Variants in USP47 observed in about 807,000 individuals in gnomAD.
USP47 encodes the protein ubiquitin carboxyl-terminal hydrolase 47.
Under a neutral mutation model 165.1 loss-of-function variants are expected in USP47, and 35 were observed. The observed-to-expected ratio is 0.21, with a 90% CI of 0.16 to 0.28. The LOEUF is 0.28. USP47 is among the 10% of genes least tolerant of loss of function. The pLI is 1.00. For missense variants in USP47, 1,277 were observed against 1,607.4 expected (o/e 0.79, Z 3.52); for synonymous variants, 531 against 544.5 (o/e 0.98, Z 0.35).
chr11:11,903,175 A>G (rs1852337269), intron 6 of USP47, 88 bp from the exon 7 acceptor site: 3 of 1,311,060 alleles, frequency 2.3e-6, no homozygotes, highest in South Asian at 1.5e-5. Context: ...GTAGACTTCA[A>G]TATTTCTGTC....
chr11:11,878,782 C>G (rs966423446), intron 1 of USP47: 1 of 152,062 alleles, frequency 6.6e-6, no homozygotes, highest in Non-Finnish European at 1.5e-5. Flanking sequence ...TAAATGATCT[C>G]TTGCAAACCC....
rs779191640 is a variant in USP47, at chr11:11,956,049, A to C, written c.3942A>C (p.Glu1314Asp). The C allele has an allele frequency of 6.2e-7, 1 of 1,601,002 alleles. No homozygotes were observed. The highest frequency in any genetic ancestry group is 8.5e-7 in the Non-Finnish European group (1 of 1,176,140). Residue 1314 changes from glutamate (E) to aspartate (D), a missense_variant, in exon 28 of 28, where the codon GAA becomes GAC. Physicochemically the swap from Glu to Asp is conservative, Grantham distance 45. Transcript: ENST00000527733. ...AATTGACAGATGAGCAAAGAAATGA[A>C]CTGATGAAAAAAGAAAGCAGTCGAC... ...LMELTDEQRN[E>D]LMKKESSRLQ... is the part of the protein sequence containing the mutation.
Position 11,938,524 on chromosome 11 carries a change from T to C in USP47, c.2193+152T>C, listed in dbSNP as rs900717128. 5.3e-5 allele frequency: 33 copies of C among 623,956 alleles called. 1 individual carries two copies. The South Asian group carries it at 6.7e-4, about 13-fold the overall frequency. 38.7% of individuals were successfully genotyped at this position (623,956 alleles called of 1,614,324 possible). A position where few individuals can be genotyped will look rare whatever the true frequency, so the allele number is the denominator to read the frequency against. ...GACAACTGTAGTTAAAAGAAACAGATTGAGTAAAGTGTGGAGGTAAGAAAG... is the reference window on the plus strand; with the variant it reads ...GACAACTGTAGTTAAAAGAAACAGACTGAGTAAAGTGTGGAGGTAAGAAAG... On this transcript the variant is annotated intron_variant, in intron 18 of 27. Coordinates refer to ENST00000527733, the MANE Select transcript of USP47 (RefSeq NM_001282659.2).
In USP47 at chr11:11,897,592, TA is replaced by T; in HGVS notation, c.497-2del. The T allele has an allele frequency of 6.3e-7, 1 of 1,590,058 alleles. No individual in the cohort carries two copies. The highest frequency in any genetic ancestry group is 1.2e-5 in the South Asian group (1 of 86,884). ...TTAATGTACATTTGTATTTTCTCTT[TA>T]AAGGATATGTGGGACTAGTAAACCA... is the stretch of plus-strand genomic sequence containing the variant. On this transcript the variant is annotated splice_polypyrimidine_tract_variant and splice_region_variant and intron_variant, in intron 4 of 27. Transcript: ENST00000527733.
intron 16 of USP47, among the ~76,000 whole-genome samples, chr11:11,935,613 A>G (rs1361540428): frequency 6.6e-6 from 1 of 151,978 alleles, no homozygotes; most frequent in Admixed American, 6.6e-5. Flanking sequence ...GAAACTCATA[A>G]TCACAACCTT....
At chr11:11,892,837 A>G (rs1192821883) in intron 4 of USP47, among the ~76,000 whole-genome samples, 3 of 150,582 alleles carry the variant, frequency 2.0e-5, no homozygotes, top group Non-Finnish European at 4.4e-5. Flanking sequence ...AAAAAAAAGA[A>G]AAAGAAAAAA....
At position 11,960,586 on chromosome 11, in the gene USP47, C is replaced by G. The variant is rs1447613926; in HGVS notation, c.*4411C>G. On this transcript the variant is annotated 3_prime_UTR_variant, in exon 28 of 28. Transcript: ENST00000527733. ...TTCAGCCAAGGGAATAAAATCTAAC[C>G]TCTCCTCCCTCAACGGAGTGTCAGG... Among the ~76,000 whole-genome samples, 1 of 152,180 alleles carries G rather than the reference C, an allele frequency of 6.6e-6. No homozygotes were observed. Among genetic ancestry groups the G allele is most frequent in the Non-Finnish European group, 1.5e-5 (1 of 68,036 alleles).
chr11:11,941,191 A>G (rs990622232), intron 19 of USP47, among the ~76,000 whole-genome samples: 2 of 151,806 alleles, frequency 1.3e-5, no homozygotes, highest in African/African-American at 4.8e-5. Flanking sequence ...GTATTTTATT[A>G]CTAATATGTA....
chr11:11,955,932 A>G, intron 27 of USP47, 69 bp from the exon 28 acceptor site: 1 of 1,235,160 alleles, frequency 8.1e-7, no homozygotes, highest in Non-Finnish European at 1.1e-6. Context: ...GCATCATAGC[A>G]TTCAAGCATA....
intron 1 of USP47, among the ~76,000 whole-genome samples, chr11:11,859,980 T>C (rs1036548954): frequency 6.6e-6 from 1 of 151,550 alleles, no homozygotes; most frequent in Non-Finnish European, 1.5e-5. Context: ...AGCACACGCC[T>C]GTAGTTCCAG....
chr11:11,870,048 A>G (rs1849935205), intron 1 of USP47, among the ~76,000 whole-genome samples: 1 of 148,680 alleles, frequency 6.7e-6, no homozygotes, highest in South Asian at 2.1e-4. Context: ...TAAGTGTGAC[A>G]TTTTGTTTTT....
intron 20 of USP47, among the ~76,000 whole-genome samples, chr11:11,945,444 A>G (rs7932865): frequency 0.019 from 2,861 of 152,288 alleles, 67 homozygotes; most frequent in African/African-American, 0.055. Context: ...ACTTAAAATG[A>G]TGGTCCTTAA....
intron 1 of USP47, among the ~76,000 whole-genome samples, chr11:11,859,708 T>C (rs1849263490): frequency 6.6e-6 from 1 of 152,190 alleles, no homozygotes; most frequent in Non-Finnish European, 1.5e-5. Context: ...TTAAATGTAT[T>C]TTAAGGGTAG....
intron 15 of USP47, among the ~76,000 whole-genome samples, chr11:11,933,336 A>G (rs1406143810): frequency 1.3e-5 from 2 of 152,148 alleles, no homozygotes; most frequent in Non-Finnish European, 2.9e-5. Flanking sequence ...GTGAAGCCAC[A>G]GTTGAGGTAG....
At chr11:11,865,577 C>G (rs1390969499) in intron 1 of USP47, among the ~76,000 whole-genome samples, 2 of 152,124 alleles carry the variant, frequency 1.3e-5, no homozygotes, top group African/African-American at 4.8e-5. Context: ...TGTGAGTAAC[C>G]ACCAGACTGT....
chr11:11,930,712 A>C lies in USP47; in HGVS notation c.1612A>C (p.Met538Leu). 6.2e-7 allele frequency: 1 copy of C among 1,606,108 alleles called. No individual in the cohort carries two copies. The highest frequency in any genetic ancestry group is 8.5e-7 in the Non-Finnish European group (1 of 1,177,448). Residue 538 changes from methionine to leucine, a missense_variant, in exon 14 of 28, where the codon ATG becomes CTG. Transcript: ENST00000527733. ...TTCTACTAGTTCCACAAATGCATAT[A>C]TGCTGATCTATAGACTGAAGGATCC... Reference protein sequence around the residue: ...SAFASSTNAYMLIYRLKDPAR... With the variant: ...SAFASSTNAYLLIYRLKDPAR...
At chr11:11,912,702 TA>T (rs2134527009) in intron 8 of USP47, among the ~76,000 whole-genome samples, 1 of 152,164 alleles carries the variant, frequency 6.6e-6, no homozygotes, top group Admixed American at 6.5e-5. Flanking sequence ...TACCTGATAT[TA>T]AACCAAGACA....
chr11:11,867,464 C>A (rs958984073), intron 1 of USP47, among the ~76,000 whole-genome samples: 6 of 152,028 alleles, frequency 3.9e-5, no homozygotes, highest in Non-Finnish European at 4.4e-5. Flanking sequence ...ATATAGAGTT[C>A]ATTAATTCTT....
Position 11,932,950 on chromosome 11 carries a change from TA to T in USP47, c.1652-51del, listed in dbSNP as rs1030086273. On this transcript the variant is annotated intron_variant, in intron 14 of 27. Coordinates refer to ENST00000527733, the MANE Select transcript of USP47 (RefSeq NM_001282659.2). ...TGAGAGCATAGTGAAGCAGGATGAA[TA>T]AAGGCAGCTCAGTTTCAGTGACACT... The T allele has an allele frequency of 3.1e-5, 42 of 1,375,922 alleles. No individual in the cohort carries two copies. The Admixed American group carries it at 4.5e-4, about 15-fold the overall frequency. The allele number at this position is 1,375,922 out of a possible 1,614,324, so 85.2% of individuals were successfully genotyped here. A position where few individuals can be genotyped will look rare whatever the true frequency, so the allele number is the denominator to read the frequency against.
Sources: gnomAD v4.1 joint callset for allele counts (sites outside exome capture counted in the v4.1 genomes callset) on GRCh38, gnomAD v4.1.1 for gene constraint, MANE v1.5 for transcripts, NCBI Gene and HGNC (gene_info 2026-07-23, HGNC 2026-07-21) for gene names.